MKLN1: variants seen among roughly 807,000 people sequenced by gnomAD.
MKLN1 encodes muskelin 1.
In MKLN1, 18 loss-of-function variants were observed where a neutral mutation model predicts 99.0. The observed-to-expected ratio is 0.18, with a 90% confidence interval of 0.13 to 0.27. The LOEUF is 0.27. Among genes scored for constraint, MKLN1 ranks in the 10% least tolerant of loss-of-function variants. The pLI is 1.00. For missense variants in MKLN1, 621 were observed against 875.9 expected (o/e 0.71, Z 3.67); for synonymous variants, 288 against 293.2 (o/e 0.98, Z 0.18).
intron 3 of MKLN1, among the ~76,000 whole-genome samples, chr7:131,282,041 A>G (rs1356815631): frequency 6.6e-6 from 1 of 152,076 alleles, no homozygotes; most frequent in Non-Finnish European, 1.5e-5. Flanking sequence ...GGGAGGCATC[A>G]TGTTAGACAC....
intron 3 of MKLN1, among the ~76,000 whole-genome samples, chr7:131,271,098 G>A (rs1212965741): frequency 1.3e-5 from 2 of 152,120 alleles, no homozygotes; most frequent in East Asian, 3.8e-4. Flanking sequence ...CAGTCCAGTT[G>A]AGGAGACTAG....
At chr7:131,242,742 C>T (rs2116497291) in intron 3 of MKLN1, 1 of 694,446 alleles carries the variant, frequency 1.4e-6, no homozygotes, top group Non-Finnish European at 2.7e-6. Flanking sequence ...CCGCTGTCCC[C>T]ACAAAGTGAC....
chr7:131,448,271 T>C (rs748941030), intron 12 of MKLN1, among the ~76,000 whole-genome samples: 3 of 152,160 alleles, frequency 2.0e-5, no homozygotes, highest in Non-Finnish European at 4.4e-5. Context: ...GACAGAGAAC[T>C]AGTAAAATAA....
At chr7:131,264,839 A>AT (rs1003293603) in intron 3 of MKLN1, among the ~76,000 whole-genome samples, 86 of 151,436 alleles carry the variant, frequency 5.7e-4, no homozygotes, top group Admixed American at 2.5e-3. Context: ...TTATTCGGTA[A>AT]TTTTTTTTGT....
intron 2 of MKLN1, among the ~76,000 whole-genome samples, chr7:131,189,323 A>T (rs1390943491): frequency 6.6e-6 from 1 of 152,166 alleles, no homozygotes; most frequent in Non-Finnish European, 1.5e-5. Flanking sequence ...ATGATTTTTT[A>T]AAATTTATTG....
chr7:131,244,257 T>A (rs1020877386), intron 3 of MKLN1, among the ~76,000 whole-genome samples: 1 of 152,174 alleles, frequency 6.6e-6, no homozygotes, highest in Non-Finnish European at 1.5e-5. Context: ...TAGAGAAGGC[T>A]ACAGATTCAC....
chr7:131,192,086 T>TTA (rs1554534643), intron 2 of MKLN1, among the ~76,000 whole-genome samples: 3 of 81,334 alleles, frequency 3.7e-5, no homozygotes, highest in Non-Finnish European at 5.0e-5. Flanking sequence ...TACATATATA[T>TTA]TATATATATA....
At chr7:131,412,284 G>A (rs1335583247) in intron 7 of MKLN1, among the ~76,000 whole-genome samples, 3 of 152,164 alleles carry the variant, frequency 2.0e-5, no homozygotes, top group Non-Finnish European at 4.4e-5. Flanking sequence ...TAGAGGCATG[G>A]TGTAAAATTA....
chr7:131,402,346 T>G (rs145309243), intron 6 of MKLN1, among the ~76,000 whole-genome samples: 74 of 152,348 alleles, frequency 4.9e-4, no homozygotes, highest in African/African-American at 1.8e-3. Flanking sequence ...CTTCTAATTC[T>G]AGTTCTCTTG....
intron 1 of MKLN1, among the ~76,000 whole-genome samples, chr7:131,341,279 G>A (rs1027100623): frequency 1.3e-4 from 20 of 152,120 alleles, no homozygotes; most frequent in African/African-American, 3.6e-4. Flanking sequence ...AGATGTGACC[G>A]TCATTGCAGT....
intron 17 of MKLN1, 96 bp downstream of exon 17, chr7:131,478,773 C>A: frequency 7.4e-7 from 1 of 1,351,982 alleles, no homozygotes; most frequent in Non-Finnish European, 1.0e-6. Context: ...TGAGATGTTT[C>A]AGTCAAATAG....
At chr7:131,379,780 T>A (rs1358934288) in intron 2 of MKLN1, among the ~76,000 whole-genome samples, 2 of 152,218 alleles carry the variant, frequency 1.3e-5, no homozygotes, top group African/African-American at 4.8e-5. Context: ...ATGTGCGTAT[T>A]TCACATTGCA....
chr7:131,492,516 G>A lies in MKLN1; in HGVS notation c.*4788G>A, dbSNP rs1042355762. ...GGAGGCTGACACGGGAAGATTGCTT[G>A]AGCCCAGGAATTTCAGACCAGCCTG... On this transcript the variant is annotated 3_prime_UTR_variant, in exon 18 of 18. Coordinates refer to ENST00000352689, the MANE Select transcript of MKLN1 (RefSeq NM_013255.5). 6.6e-6 allele frequency: 1 copy of A among 152,096 alleles called. No homozygotes were observed. Among genetic ancestry groups the A allele is most frequent in the Non-Finnish European group, 1.5e-5 (1 of 68,066 alleles). The allele number at this position is 152,096 out of a possible 1,614,324, so 9.4% of individuals were successfully genotyped here.
chr7:131,219,535 T>C (rs1797031761), intron 3 of MKLN1, among the ~76,000 whole-genome samples: 1 of 152,172 alleles, frequency 6.6e-6, no homozygotes, highest in Non-Finnish European at 1.5e-5. Flanking sequence ...TTTTGGCATT[T>C]AACTTGTCTA....
intron 3 of MKLN1, among the ~76,000 whole-genome samples, chr7:131,282,471 CATACAGGGAAGTACATA>C (rs1447831319): frequency 6.6e-6 from 1 of 151,584 alleles, no homozygotes; most frequent in African/African-American, 2.4e-5. Context: ...TTGACAGCAA[CATACAGGGAAGTACATA>C]ATTGCCAAAT....
chr7:131,153,664 G>GT (rs11464377), intron 2 of MKLN1, among the ~76,000 whole-genome samples: 45,583 of 139,230 alleles, frequency 0.33, 8,994 homozygotes, highest in East Asian at 0.81. Context: ...GTTTTTTTTG[G>GT]TTTTTTTTTT....
chr7:131,191,388 A>C (rs1796539024), intron 2 of MKLN1, among the ~76,000 whole-genome samples: 1 of 152,176 alleles, frequency 6.6e-6, no homozygotes, highest in Admixed American at 6.5e-5. Context: ...CTGATTTCTG[A>C]GTGATTCTCC....
At chr7:131,169,547 G>A (rs1357824168) in intron 2 of MKLN1, among the ~76,000 whole-genome samples, 1 of 152,084 alleles carries the variant, frequency 6.6e-6, no homozygotes, top group Non-Finnish European at 1.5e-5. Context: ...GGCCTCTTTT[G>A]AAGGATCTGG....
chr7:131,155,923 C>T (rs528649526), intron 2 of MKLN1, among the ~76,000 whole-genome samples: 11 of 152,196 alleles, frequency 7.2e-5, no homozygotes, highest in East Asian at 1.9e-4. Flanking sequence ...TGGGATTTGG[C>T]GTGTCTACCT....
Sources: gnomAD v4.1 joint callset for allele counts (sites outside exome capture counted in the v4.1 genomes callset) on GRCh38, gnomAD v4.1.1 for gene constraint, MANE v1.5 for transcripts, NCBI Gene and HGNC (gene_info 2026-07-23, HGNC 2026-07-21) for gene names.